CCDC91: variants seen among roughly 807,000 people sequenced by gnomAD.
CCDC91 encodes coiled-coil domain containing 91.
Under a neutral mutation model 63.2 loss-of-function variants are expected in CCDC91, and 48 were observed. The observed-to-expected ratio is 0.76, with a 90% CI of 0.60 to 0.97. CCDC91 has a LOEUF of 0.97. Among genes scored for constraint, CCDC91 ranks in the 50% least tolerant of loss-of-function variants. CCDC91 has a pLI of 0.00. For missense variants in CCDC91, 500 were observed against 494.6 expected (o/e 1.01, Z -0.10); for synonymous variants, 167 against 165.8 (o/e 1.01, Z -0.06).
In CCDC91 at chr12:28,380,791, A is replaced by G. The variant is rs199789918; in HGVS notation, c.655-10513A>G. 1.1e-4 allele frequency among the ~76,000 whole-genome samples: 17 copies of G among 152,242 alleles called. No homozygotes were observed. In the East Asian group the frequency reaches 2.5e-3, roughly 22 times the overall value. Reference sequence around the variant, plus strand: ...ATATAATGTCAATTATTTAGTTTTTAGTCTTTCATTATTCTAATGAACTGA... The same window carrying G: ...ATATAATGTCAATTATTTAGTTTTTGGTCTTTCATTATTCTAATGAACTGA... On this transcript the variant is annotated intron_variant, in intron 7 of 12. Coordinates refer to ENST00000536442, the MANE Select transcript of CCDC91 (RefSeq NM_018318.5).
At chr12:28,339,140 T>C (rs182269087) in intron 6 of CCDC91, among the ~76,000 whole-genome samples, 1 of 152,192 alleles carries the variant, frequency 6.6e-6, no homozygotes, top group Admixed American at 6.5e-5. Context: ...CATGCCCAAC[T>C]GGATTCTGGT....
At chr12:28,538,160 G>A (rs150967800) in intron 12 of CCDC91, among the ~76,000 whole-genome samples, 2,457 of 150,016 alleles carry the variant, frequency 0.016, 26 homozygotes, top group South Asian at 0.029. Flanking sequence ...CAACGTGCAG[G>A]TTAGTTACAT....
chr12:28,535,492 C>T (rs1942080385), intron 12 of CCDC91, among the ~76,000 whole-genome samples: 1 of 152,166 alleles, frequency 6.6e-6, no homozygotes, highest in Admixed American at 6.6e-5. Context: ...GAGGACACTG[C>T]AGCAAAGAGC....
At chr12:28,548,852 G>A (rs1188216466) in intron 12 of CCDC91, among the ~76,000 whole-genome samples, 4 of 152,108 alleles carry the variant, frequency 2.6e-5, no homozygotes, top group African/African-American at 4.8e-5. Context: ...AACAACATCA[G>A]TTATAAAACT....
intron 6 of CCDC91, among the ~76,000 whole-genome samples, chr12:28,358,780 G>C (rs1943683472): frequency 6.6e-6 from 1 of 152,178 alleles, no homozygotes; most frequent in East Asian, 1.9e-4. Context: ...GATAATTTTT[G>C]AGCATGATGT....
intron 12 of CCDC91, among the ~76,000 whole-genome samples, chr12:28,548,741 G>C (rs961747067): frequency 6.6e-6 from 1 of 152,064 alleles, no homozygotes; most frequent in Non-Finnish European, 1.5e-5. Context: ...ATTTGTGGAT[G>C]TTTGGTTGCG....
chr12:28,464,774 G>A (rs1411346079), intron 11 of CCDC91, among the ~76,000 whole-genome samples: 6 of 152,124 alleles, frequency 3.9e-5, no homozygotes, highest in Admixed American at 3.9e-4. Context: ...CCCAGCTGTG[G>A]TGGCTAAAGG....
In CCDC91 at chr12:28,374,125, T is replaced by C. The variant is rs184978450; in HGVS notation, c.654+11610T>C. Among the ~76,000 whole-genome samples, 50 of 152,276 alleles carry C rather than the reference T, an allele frequency of 3.3e-4. 1 individual carries two copies. In the East Asian group the frequency reaches 4.8e-3, roughly 15 times the overall value. On this transcript the variant is annotated intron_variant, in intron 7 of 12. Coordinates refer to ENST00000536442, the MANE Select transcript of CCDC91 (RefSeq NM_018318.5). ...ATTCTGGAGTAGAGGTTCCCCCTGC[T>C]AGCTCCTCATATTGCCATTCCAGAA...
intron 6 of CCDC91, among the ~76,000 whole-genome samples, chr12:28,311,438 C>T (rs1939311633): frequency 6.6e-6 from 1 of 152,002 alleles, no homozygotes; most frequent in Non-Finnish European, 1.5e-5. Context: ...TTGGTTTTCT[C>T]TGATACCACA....
intron 1 of CCDC91, among the ~76,000 whole-genome samples, chr12:28,252,634 A>G (rs1946197780): frequency 6.6e-6 from 1 of 152,170 alleles, no homozygotes; most frequent in African/African-American, 2.4e-5. Flanking sequence ...TAATTCATGG[A>G]TGAACTATCT....
chr12:28,363,650 G>A (rs575786116), intron 7 of CCDC91, among the ~76,000 whole-genome samples: 70 of 152,132 alleles, frequency 4.6e-4, no homozygotes, highest in African/African-American at 1.5e-3. Flanking sequence ...TCGGGAGGCC[G>A]AGGCAGGTGG....
rs1470311055 is a variant in CCDC91, at chr12:28,267,292, C to T, written c.109+7850C>T. On this transcript the variant is annotated intron_variant, in intron 3 of 12. Transcript: ENST00000536442. ...TATATATACATAGTAATACTCCTTG[C>T]TTTTTTTTCCACAATAATTTGGAGA... 1.1e-4 allele frequency among the ~76,000 whole-genome samples: 17 copies of T among 151,084 alleles called. No homozygotes were observed. The East Asian group carries it at 2.9e-3, about 26-fold the overall frequency.
intron 6 of CCDC91, among the ~76,000 whole-genome samples, chr12:28,316,701 A>C (rs896608467): frequency 6.7e-6 from 1 of 149,668 alleles, no homozygotes; most frequent in African/African-American, 2.4e-5. Context: ...GGTTCTCTTA[A>C]ACTTTTTAAA....
intron 12 of CCDC91, among the ~76,000 whole-genome samples, chr12:28,500,258 G>A (rs1407813919): frequency 6.6e-6 from 1 of 151,366 alleles, no homozygotes; most frequent in Non-Finnish European, 1.5e-5. Flanking sequence ...TTGTCAGATG[G>A]ATAGATTGCA....
chr12:28,441,921 T>A (rs1420286353), intron 8 of CCDC91, among the ~76,000 whole-genome samples: 2 of 151,968 alleles, frequency 1.3e-5, no homozygotes, highest in African/African-American at 4.8e-5. Flanking sequence ...CTTGTATAGC[T>A]AAGATTTGTG....
intron 12 of CCDC91, among the ~76,000 whole-genome samples, chr12:28,539,774 G>A (rs1418467128): frequency 1.3e-5 from 2 of 152,070 alleles, no homozygotes; most frequent in African/African-American, 4.8e-5. Flanking sequence ...CAAGGAGGGC[G>A]TTTTCCTGCT....
At chr12:28,337,719 C>T (rs1345053341) in intron 6 of CCDC91, among the ~76,000 whole-genome samples, 1 of 152,070 alleles carries the variant, frequency 6.6e-6, no homozygotes, top group African/African-American at 2.4e-5. Context: ...GAAAAAAATA[C>T]TACCTTTCAA....
intron 8 of CCDC91, among the ~76,000 whole-genome samples, chr12:28,411,412 A>C (rs1271984488): frequency 6.6e-6 from 1 of 152,192 alleles, no homozygotes; most frequent in Non-Finnish European, 1.5e-5. Flanking sequence ...TTGAACAAAC[A>C]CAAAAATGAT....
chr12:28,442,245 G>T (rs961354473), intron 8 of CCDC91, among the ~76,000 whole-genome samples: 6 of 152,076 alleles, frequency 3.9e-5, no homozygotes, highest in Admixed American at 3.9e-4. Flanking sequence ...AGACTGAGGA[G>T]TATTAAGAAT....
Sources: allele counts gnomAD v4.1 joint callset (sites outside exome capture counted in the v4.1 genomes callset), GRCh38; gene constraint gnomAD v4.1.1; transcripts MANE v1.5; gene names NCBI Gene and HGNC (gene_info 2026-07-23, HGNC 2026-07-21).